The following FLNB variants were observed in gnomAD, a reference collection of about 807,000 sequenced individuals.
FLNB encodes filamin-B.
A neutral mutation model predicts 250.6 loss-of-function variants in FLNB; 111 were observed. The ratio of observed to expected loss-of-function variants is 0.44; its 90% confidence interval spans 0.38 to 0.52. The LOEUF is 0.52. FLNB is among the 20% of genes least tolerant of loss of function. The pLI is 0.00. For synonymous variants in FLNB, 1,302 were observed against 1,372.1 expected (o/e 0.95, Z 1.13); for missense variants, 2,869 against 3,447.8 (o/e 0.83, Z 4.20).
At chr3:58,122,178 AAAAAAAAAACCAC>A (rs1179638141) in intron 20 of FLNB, among the ~76,000 whole-genome samples, 3 of 148,302 alleles carry the variant, frequency 2.0e-5, no homozygotes, top group South Asian at 2.1e-4. Flanking sequence ...CAAAAAAAAA[AAAAAAAAAACCAC>A]AAAAAAAAAC....
intron 1 of FLNB, among the ~76,000 whole-genome samples, chr3:58,020,491 A>T (rs2097112255): frequency 6.6e-6 from 1 of 152,210 alleles, no homozygotes; most frequent in African/African-American, 2.4e-5. Flanking sequence ...CGTCCAGCCC[A>T]TTCAGGGCTC....
rs11130615 is a variant in FLNB, at chr3:58,142,451, T to A, written c.5182-199T>A. Among the ~76,000 whole-genome samples the A allele has an allele frequency of 1.3e-3, 195 of 152,310 alleles. No individual in the cohort carries two copies. The highest frequency in any genetic ancestry group is 4.5e-3 in the African/African-American group (189 of 41,574). On this transcript the variant is annotated intron_variant, in intron 30 of 45. Coordinates refer to ENST00000295956, the MANE Select transcript of FLNB (RefSeq NM_001457.4). This position sits in a 1 kb window ranked among gnomAD's most constrained non-coding sequence, Gnocchi z 4.3. ...CTCCCGAGTGATTGCTAACAGTTGGTCAGCATGACCTCTCCAGTCCCTCAG... is the reference window on the plus strand; with the variant it reads ...CTCCCGAGTGATTGCTAACAGTTGGACAGCATGACCTCTCCAGTCCCTCAG...
Position 58,057,697 on chromosome 3 carries a change from A to G in FLNB, c.293-19349A>G, listed in dbSNP as rs560937371. Among the ~76,000 whole-genome samples, 13 of 152,234 alleles carry G rather than the reference A, an allele frequency of 8.5e-5. No homozygotes were observed. In the South Asian group the frequency reaches 2.7e-3, roughly 32 times the overall value. ...TGACTGGGTGGGTGGTCCCTTGGTAATTATTTGTTGATTAGTGGTTGTTGG... is the reference window on the plus strand; with the variant it reads ...TGACTGGGTGGGTGGTCCCTTGGTAGTTATTTGTTGATTAGTGGTTGTTGG... On this transcript the variant is annotated intron_variant, in intron 1 of 45. Coordinates refer to ENST00000295956, the MANE Select transcript of FLNB (RefSeq NM_001457.4).
intron 8 of FLNB, among the ~76,000 whole-genome samples, chr3:58,099,386 G>A (rs776787337): frequency 3.3e-5 from 5 of 152,098 alleles, no homozygotes; most frequent in African/African-American, 4.8e-5. Context: ...CTTAGATAGC[G>A]TTAGGTATCA....
intron 43 of FLNB, chr3:58,163,635 C>T: frequency 4.7e-6 from 2 of 425,504 alleles, no homozygotes; most frequent in South Asian, 4.6e-5. Flanking sequence ...TCAGGGAACA[C>T]AGCACAGTGT....
intron 1 of FLNB, among the ~76,000 whole-genome samples, chr3:58,023,185 G>A (rs1332927918): frequency 3.7e-5 from 5 of 135,540 alleles, no homozygotes; most frequent in Non-Finnish European, 4.6e-5. Flanking sequence ...TGCAACTTCT[G>A]CCTCCTGGGT....
chr3:58,066,068 A>G (rs1350406730), intron 1 of FLNB, among the ~76,000 whole-genome samples: 3 of 152,178 alleles, frequency 2.0e-5, no homozygotes, highest in Non-Finnish European at 4.4e-5. Context: ...TCAGTTGTCC[A>G]GGAGAACTGT....
intron 21 of FLNB, 126 bp downstream of exon 21, chr3:58,123,816 C>T (rs925022733): frequency 1.2e-5 from 9 of 768,958 alleles, no homozygotes; most frequent in African/African-American, 7.1e-5. Context: ...CGGTGCTCAC[C>T]TGTTCCCTCT....
At chr3:58,109,823 C>A in intron 15 of FLNB, 124 bp downstream of exon 15, 2 of 1,420,368 alleles carry the variant, frequency 1.4e-6, no homozygotes, top group African/African-American at 1.4e-5. Flanking sequence ...ATCTACTGAG[C>A]CTCTGAGTCA....
chr3:58,047,287 C>T (rs901132514), intron 1 of FLNB, among the ~76,000 whole-genome samples: 1 of 152,064 alleles, frequency 6.6e-6, no homozygotes, highest in Non-Finnish European at 1.5e-5. Flanking sequence ...TATTTATTTT[C>T]TAGATGTTTG....
intron 13 of FLNB, 39 bp downstream of exon 13, chr3:58,108,610 G>C: frequency 7.4e-7 from 1 of 1,352,372 alleles, no homozygotes; most frequent in Non-Finnish European, 1.1e-6. Context: ...TAATTGTCAG[G>C]TAACAAGATC....
intron 1 of FLNB, among the ~76,000 whole-genome samples, chr3:58,068,049 T>A (rs552352466): frequency 6.6e-6 from 1 of 152,192 alleles, no homozygotes; most frequent in Admixed American, 6.5e-5. Context: ...CTGTCTGGGC[T>A]CCTGGCTGGC....
At chr3:58,099,234 C>T (rs1321119506) in intron 8 of FLNB, among the ~76,000 whole-genome samples, 4 of 152,164 alleles carry the variant, frequency 2.6e-5, no homozygotes, top group Admixed American at 2.0e-4. Flanking sequence ...CTGAAGTTAG[C>T]AGCAGCAACA....
At chr3:58,032,546 G>C (rs1325689326) in intron 1 of FLNB, among the ~76,000 whole-genome samples, 1 of 152,208 alleles carries the variant, frequency 6.6e-6, no homozygotes. Context: ...CATCTCAAGG[G>C]ACTGCTGAAT....
At chr3:58,039,416 A>G in intron 1 of FLNB, among the ~76,000 whole-genome samples, 1 of 152,108 alleles carries the variant, frequency 6.6e-6, no homozygotes, top group Non-Finnish European at 1.5e-5. Flanking sequence ...TCTAAGGGAA[A>G]GCCTAGTGAT....
intron 1 of FLNB, among the ~76,000 whole-genome samples, chr3:58,069,482 C>A (rs1012775674): frequency 6.6e-6 from 1 of 152,028 alleles, no homozygotes; most frequent in African/African-American, 2.4e-5. Context: ...CTCAGGAGGT[C>A]CTCCTGCCTC....
Position 58,134,676 on chromosome 3 carries a change from C to G in FLNB, c.4575C>G (p.Pro1525=), listed in dbSNP as rs374902997. ...CCAGCAAAGTGACTGCCAGTGGCCC[C>G]GGCCTTAGTTCCTATGGTGTGCCTG... ...YDASKVTASG[P]GLSSYGVPAS... The change falls in exon 27 of 46, where the codon CCC becomes CCG. Residue 1525 remains proline, a synonymous_variant. Coordinates refer to ENST00000295956, the MANE Select transcript of FLNB (RefSeq NM_001457.4). The G allele has an allele frequency of 6.2e-7, 1 of 1,614,038 alleles. No homozygotes were observed. The highest frequency in any genetic ancestry group is 8.5e-7 in the Non-Finnish European group (1 of 1,180,018).
chr3:58,062,067 G>A (rs2097179550), intron 1 of FLNB, among the ~76,000 whole-genome samples: 1 of 152,090 alleles, frequency 6.6e-6, no homozygotes, highest in Admixed American at 6.5e-5. Flanking sequence ...CTCCAGCCTG[G>A]GTGACAGAGC....
chr3:58,157,362 T>C (rs942184916), intron 41 of FLNB, among the ~76,000 whole-genome samples: 5 of 152,208 alleles, frequency 3.3e-5, no homozygotes, highest in African/African-American at 1.2e-4. Context: ...CTAAGATTGG[T>C]GATATCATTG....
Sources: gnomAD v4.1 joint callset for allele counts (sites outside exome capture counted in the v4.1 genomes callset) on GRCh38, gnomAD v4.1.1 for gene constraint, Gnocchi (gnomAD v3.1) non-coding constraint, MANE v1.5 for transcripts, NCBI Gene and HGNC (gene_info 2026-07-23, HGNC 2026-07-21) for gene names.